SLC38A12: variants seen among roughly 807,000 people sequenced by gnomAD.
SLC38A12 encodes the protein solute carrier family 38 member 12.
At chr17:74,795,335 T>C in the SLC38A12 span, among the ~76,000 whole-genome samples, 3 of 152,140 alleles carry the variant, frequency 2.0e-5, no homozygotes, top group Non-Finnish European at 4.4e-5. Flanking sequence ...CACCAAGGGC[T>C]CCTGAGTCAT....
chr17:74,784,195 A>G, the SLC38A12 span, among the ~76,000 whole-genome samples: 1 of 152,234 alleles, frequency 6.6e-6, no homozygotes, highest in African/African-American at 2.4e-5. Flanking sequence ...ATGGGTAAGC[A>G]TTCCCAGAGA....
chr17:74,835,247 T>C, the SLC38A12 span, among the ~76,000 whole-genome samples: 1 of 152,170 alleles, frequency 6.6e-6, no homozygotes, highest in Non-Finnish European at 1.5e-5. Context: ...TGTCAGCAGC[T>C]CAGGACTCGG....
the SLC38A12 span, chr17:74,790,941 C>G: frequency 5.6e-6 from 9 of 1,613,830 alleles, no homozygotes; most frequent in Middle Eastern, 1.7e-4. Flanking sequence ...CTTCCTTGTT[C>G]TTTTGGCTCT....
chr17:74,825,709 T>A, the SLC38A12 span, among the ~76,000 whole-genome samples: 1 of 152,190 alleles, frequency 6.6e-6, no homozygotes, highest in African/African-American at 2.4e-5. Context: ...GTCCGGGCAC[T>A]GACAAGGCAA....
chr17:74,798,136 G>A, the SLC38A12 span, among the ~76,000 whole-genome samples: 1 of 152,212 alleles, frequency 6.6e-6, no homozygotes, highest in Non-Finnish European at 1.5e-5. Context: ...GTCTCAGGTA[G>A]ATGGTGCCCC....
the SLC38A12 span, among the ~76,000 whole-genome samples, chr17:74,827,453 G>A: frequency 6.6e-6 from 1 of 151,958 alleles, no homozygotes; most frequent in Non-Finnish European, 1.5e-5. This position sits in a 1 kb window ranked among gnomAD's most constrained non-coding sequence, Gnocchi z 4.7. Context: ...GGGCCACCAC[G>A]CCCAGCTAAT....
At chr17:74,819,671 G>A in the SLC38A12 span, 30 of 1,422,790 alleles carry the variant, frequency 2.1e-5, no homozygotes, top group African/African-American at 9.9e-5. Flanking sequence ...CGGAGGCCAC[G>A]TGAGCAGCAG....
At chr17:74,794,949 A>G in the SLC38A12 span, 2 of 1,180,552 alleles carry the variant, frequency 1.7e-6, no homozygotes, top group Non-Finnish European at 2.4e-6. Flanking sequence ...AAGAAGAAGA[A>G]AAAAAAAAAA....
At chr17:74,786,818 G>T in the SLC38A12 span, among the ~76,000 whole-genome samples, 2,840 of 152,234 alleles carry the variant, frequency 0.019, 83 homozygotes, top group African/African-American at 0.064. Context: ...GTGAGCCCTG[G>T]CAGCCAAGAG....
At chr17:74,836,771 C>T in the SLC38A12 span, 1 of 1,497,746 alleles carries the variant, frequency 6.7e-7, no homozygotes, top group Non-Finnish European at 8.9e-7. The surrounding 1 kb of genome is among the most constrained non-coding windows in gnomAD (Gnocchi z 4.2). Context: ...TTAGTTGCTC[C>T]CAGGTCTTCA....
the SLC38A12 span, chr17:74,788,781 C>T: frequency 1.2e-6 from 2 of 1,612,170 alleles, no homozygotes; most frequent in Non-Finnish European, 1.7e-6. Context: ...GGCACTCGGC[C>T]CCCTCAGCTT....
chr17:74,836,781 A>AT, the SLC38A12 span: 1 of 1,487,852 alleles, frequency 6.7e-7, no homozygotes. The surrounding 1 kb of genome is among the most constrained non-coding windows in gnomAD (Gnocchi z 4.2). Context: ...CCAGGTCTTC[A>AT]TGGGGCAGGT....
the SLC38A12 span, among the ~76,000 whole-genome samples, chr17:74,813,365 CTT>C: frequency 1.0e-3 from 157 of 152,374 alleles, no homozygotes; most frequent in African/African-American, 3.7e-3. Context: ...GTGTGTCACT[CTT>C]TGTCCCATGG....
At chr17:74,836,604 T>C in the SLC38A12 span, 2 of 1,613,276 alleles carry the variant, frequency 1.2e-6, no homozygotes. The surrounding 1 kb of genome is among the most constrained non-coding windows in gnomAD (Gnocchi z 4.2). Flanking sequence ...CCACACCTTC[T>C]GGGTGGGCTT....
the SLC38A12 span, among the ~76,000 whole-genome samples, chr17:74,825,534 C>T: frequency 6.6e-6 from 1 of 152,218 alleles, no homozygotes; most frequent in Non-Finnish European, 1.5e-5. Context: ...TCAGTCAGGA[C>T]TGACCTGAGA....
At chr17:74,783,129 C>CA in the SLC38A12 span, among the ~76,000 whole-genome samples, 1 of 152,038 alleles carries the variant, frequency 6.6e-6, no homozygotes, top group Non-Finnish European at 1.5e-5. Flanking sequence ...GACTCCGTCT[C>CA]AAAAAATAAA....
the SLC38A12 span, among the ~76,000 whole-genome samples, chr17:74,822,570 G>C: frequency 6.6e-6 from 1 of 152,352 alleles, no homozygotes; most frequent in South Asian, 2.1e-4. Context: ...TCAAATGTCA[G>C]GAGCCTCTCA....
chr17:74,794,124 C>T, the SLC38A12 span, among the ~76,000 whole-genome samples: 1 of 152,258 alleles, frequency 6.6e-6, no homozygotes, highest in Non-Finnish European at 1.5e-5. Flanking sequence ...GGCCCTGCCA[C>T]TCTTTTCAGA....
At chr17:74,795,565 C>T in the SLC38A12 span, 4 of 1,614,126 alleles carry the variant, frequency 2.5e-6, no homozygotes, top group Non-Finnish European at 3.4e-6. Flanking sequence ...GAAGCAGACA[C>T]CAAATACAAT....
Sources: allele counts gnomAD v4.1 joint callset (sites outside exome capture counted in the v4.1 genomes callset), GRCh38; gene constraint gnomAD v4.1.1; non-coding constraint Gnocchi (gnomAD v3.1); transcripts MANE v1.5; gene names NCBI Gene and HGNC (gene_info 2026-07-23, HGNC 2026-07-21).